The following INPP1 variants were observed in gnomAD, a reference collection of about 807,000 sequenced individuals.
INPP1 encodes inositol polyphosphate 1-phosphatase.
INPP1 carries 18 observed loss-of-function variants against 23.0 expected under a neutral mutation model. The ratio of observed to expected loss-of-function variants is 0.78; its 90% CI spans 0.54 to 1.16. The LOEUF is 1.16. INPP1 is among the 50% of genes most tolerant of loss of function. The pLI is 0.00. For synonymous variants in INPP1, 164 were observed against 176.3 expected, an observed-to-expected ratio of 0.93 and a Z score of 0.55; for missense variants, 448 against 482.1, an observed-to-expected ratio of 0.93 and a Z score of 0.66.
chr2:190,361,550 C>A (rs1392777627), intron 3 of INPP1, among the ~76,000 whole-genome samples: 1 of 152,152 alleles, frequency 6.6e-6, no homozygotes, highest in Non-Finnish European at 1.5e-5. Flanking sequence ...GGTTGAGCAA[C>A]TGGATTAAAA....
rs147784074 is a variant in INPP1, at chr2:190,354,925, G to GGGGTGTGTGT, written c.-64-5113_-64-5112insGGTGTGTGTG. On this transcript the variant is annotated intron_variant, in intron 2 of 6. Coordinates refer to ENST00000392329, the MANE Select transcript of INPP1 (RefSeq NM_001128928.2). The surrounding 1 kb of genome is among the most constrained non-coding windows in gnomAD (Gnocchi z 4.8). The stretch of plus-strand genomic sequence containing the variant: ...AACCTAGTGACAGATATCAACTAGG[G>GGGGTGTGTGT]GTGTGTGTGTGTGTGTGTGTGCATT... Among the ~76,000 whole-genome samples the GGGGTGTGTGT allele has an allele frequency of 7.1e-4, 104 of 146,622 alleles. No individual in the cohort carries two copies. The highest frequency in any genetic ancestry group is 2.6e-3 in the African/African-American group (102 of 39,418).
At position 190,370,849 on chromosome 2, in the gene INPP1, A is replaced by T; in HGVS notation, c.647A>T (p.Lys216Ile). 6.3e-7 allele frequency: 1 copy of T among 1,582,356 alleles called. No homozygotes were observed. Among genetic ancestry groups the T allele is most frequent in the Non-Finnish European group, 8.6e-7 (1 of 1,162,238 alleles). The stretch of plus-strand genomic sequence containing the variant: ...TTGAAATTTTTCTTCTACAGGTGGA[A>T]AGGACAGTGCTATTGGGGCCTTTCT... ...VSRDPNTLRW[K>I]GQCYWGLSYM... Residue 216 changes from lysine to isoleucine, a missense_variant, in exon 7 of 7, where the codon AAA (lysine) becomes ATA (isoleucine). Transcript: ENST00000392329.
intron 6 of INPP1, among the ~76,000 whole-genome samples, chr2:190,370,397 A>C (rs761600380): frequency 5.2e-5 from 8 of 152,392 alleles, no homozygotes; most frequent in Admixed American, 2.6e-4. Context: ...AGCCAACGTG[A>C]AACTAGTGAA....
intron 2 of INPP1, among the ~76,000 whole-genome samples, chr2:190,351,258 G>T (rs188495719): frequency 1.3e-5 from 2 of 152,348 alleles, no homozygotes; most frequent in East Asian, 3.9e-4. Flanking sequence ...GATGGAGGAG[G>T]AGTCAGAAAT....
rs879568883 is a variant in INPP1, at chr2:190,348,988, C to T, written c.-108C>T. 2.0e-5 allele frequency: 3 copies of T among 152,222 alleles called. No individual in the cohort carries two copies. Among genetic ancestry groups the T allele is most frequent in the African/African-American group, 4.8e-5 (2 of 41,430 alleles). The allele number at this position is 152,222 out of a possible 1,614,324, so 9.4% of individuals were successfully genotyped here. On this transcript the variant is annotated 5_prime_UTR_variant, in exon 2 of 7. Coordinates refer to ENST00000392329, the MANE Select transcript of INPP1 (RefSeq NM_001128928.2). ...GTATCCCAAGCAAGGCTCTTTCTACCGCACACCCTGCAGGCCCATCCAGGC... is the reference window on the plus strand; with the variant it reads ...GTATCCCAAGCAAGGCTCTTTCTACTGCACACCCTGCAGGCCCATCCAGGC...
intron 2 of INPP1, among the ~76,000 whole-genome samples, chr2:190,351,123 C>T (rs1416489932): frequency 6.6e-6 from 1 of 152,204 alleles, no homozygotes; most frequent in Non-Finnish European, 1.5e-5. Flanking sequence ...CAGTACGAGT[C>T]CTAAGACAGC....
chr2:190,371,277 G>C lies in INPP1; in HGVS notation c.1075G>C (p.Gly359Arg). ...PQLVYHVENEGAAGVDRWANK... is the reference protein window; with the variant it reads ...PQLVYHVENERAAGVDRWANK... ...GTTGGTGTACCACGTGGAAAATGAG[G>C]GTGCTGCTGGGGTGGATCGGTGGGC... The change falls in exon 7 of 7, where the codon GGT (glycine) becomes CGT (arginine). Residue 359 changes from glycine to arginine, a missense_variant. By Grantham distance (125) the Gly-to-Arg change is moderately radical (BLOSUM62 -2). Transcript: ENST00000392329. The surrounding 1 kb of genome is among the most constrained non-coding windows in gnomAD (Gnocchi z 5.3). 6.2e-7 allele frequency: 1 copy of C among 1,611,798 alleles called. No individual in the cohort carries two copies. Among genetic ancestry groups the C allele is most frequent in the Non-Finnish European group, 8.5e-7 (1 of 1,178,512 alleles).
intron 1 of INPP1, among the ~76,000 whole-genome samples, chr2:190,347,097 T>TGC (rs1689232695): frequency 7.0e-6 from 1 of 142,318 alleles, no homozygotes; most frequent in African/African-American, 2.6e-5. Context: ...CAGCAACCTC[T>TGC]GCCTCCCAGG....
rs753184541 is a variant in INPP1, at chr2:190,371,036, T to G, written c.834T>G (p.Arg278=). Residue 278 remains arginine (R), a synonymous_variant, in exon 7 of 7, where the codon CGT becomes CGG. Coordinates refer to ENST00000392329, the MANE Select transcript of INPP1 (RefSeq NM_001128928.2). This position sits in a 1 kb window ranked among gnomAD's most constrained non-coding sequence, Gnocchi z 5.3. ...AGACTATCAAAGCTGCATTGTCACG[T>G]GTGTGTGGAGATCGCATATTTGGGG... The part of the protein sequence containing the change: ...EKETIKAALS[R]VCGDRIFGAA... 2.5e-6 allele frequency: 4 copies of G among 1,614,056 alleles called. No individual in the cohort carries two copies. Among genetic ancestry groups the G allele is most frequent in the Non-Finnish European group, 3.4e-6 (4 of 1,180,030 alleles).
rs539039871 is a variant in INPP1, at chr2:190,363,910, G to A, written c.265+1223G>A. 5.3e-5 allele frequency among the ~76,000 whole-genome samples: 8 copies of A among 152,256 alleles called. No individual in the cohort carries two copies. The highest frequency in any genetic ancestry group is 1.0e-4 in the Non-Finnish European group (7 of 68,008). On this transcript the variant is annotated intron_variant, in intron 4 of 6. Coordinates refer to ENST00000392329, the MANE Select transcript of INPP1 (RefSeq NM_001128928.2). The surrounding 1 kb of genome is among the most constrained non-coding windows in gnomAD (Gnocchi z 4.4). The stretch of plus-strand genomic sequence containing the variant: ...TGTGGAGAGAGGAAGAGGAGAGATG[G>A]TGATGATGATATTGCAGGCAAGACC...
At chr2:190,366,461 C>G (rs1245982695) in intron 4 of INPP1, among the ~76,000 whole-genome samples, 1 of 148,484 alleles carries the variant, frequency 6.7e-6, no homozygotes, top group Non-Finnish European at 1.5e-5. Flanking sequence ...CTGTCTTGCT[C>G]TCTCTGTCTC....
In INPP1 at chr2:190,355,036, A is replaced by C. The variant is rs1378896062; in HGVS notation, c.-64-5003A>C. Among the ~76,000 whole-genome samples, 2 of 150,296 alleles carry C rather than the reference A, an allele frequency of 1.3e-5. No homozygotes were observed. Among genetic ancestry groups the C allele is most frequent in the African/African-American group, 4.9e-5 (2 of 40,738 alleles). ...ACAATTACTGATTTTCCCTTATTTT[A>C]ATAGTTAACAATTGATGAAAAGATT... On this transcript the variant is annotated intron_variant, in intron 2 of 6. Coordinates refer to ENST00000392329, the MANE Select transcript of INPP1 (RefSeq NM_001128928.2). The surrounding 1 kb of genome is among the most constrained non-coding windows in gnomAD (Gnocchi z 5.1).
chr2:190,347,017 T>G (rs1378137632), intron 1 of INPP1, among the ~76,000 whole-genome samples: 1 of 147,330 alleles, frequency 6.8e-6, no homozygotes, highest in South Asian at 2.2e-4. Flanking sequence ...CTTTTTTTTT[T>G]TTTTTTTTTT....
chr2:190,358,133 G>A (rs143078779), intron 2 of INPP1, among the ~76,000 whole-genome samples: 2,947 of 145,824 alleles, frequency 0.02, 101 homozygotes, highest in African/African-American at 0.069. Context: ...AGGCTGGAGT[G>A]CAGTGGCGTA....
At chr2:190,370,097 A>T (rs186002605) in intron 6 of INPP1, among the ~76,000 whole-genome samples, 1 of 152,370 alleles carries the variant, frequency 6.6e-6, no homozygotes, top group East Asian at 1.9e-4. Flanking sequence ...ATAAGAAATT[A>T]AAAAGAATTG....
intron 4 of INPP1, among the ~76,000 whole-genome samples, chr2:190,364,899 C>T (rs1410745161): frequency 1.3e-5 from 2 of 152,082 alleles, no homozygotes; most frequent in Non-Finnish European, 2.9e-5. Flanking sequence ...CCACCACGCT[C>T]AGCCTAAGGT....
chr2:190,365,501 A>T (rs1689627231), intron 4 of INPP1, among the ~76,000 whole-genome samples: 1 of 152,262 alleles, frequency 6.6e-6, no homozygotes, highest in Admixed American at 6.5e-5. Context: ...AATTTTAAAA[A>T]GATTAATGAT....
chr2:190,350,398 C>T (rs1024802544), intron 2 of INPP1, among the ~76,000 whole-genome samples: 1 of 151,484 alleles, frequency 6.6e-6, no homozygotes, highest in African/African-American at 2.4e-5. Context: ...CCTGTTGTTT[C>T]CTTAAATTGT....
At chr2:190,366,643 T>G in intron 4 of INPP1, 52 bp from the exon 5 acceptor site, 1 of 1,263,114 alleles carries the variant, frequency 7.9e-7, no homozygotes, top group South Asian at 1.2e-5. Flanking sequence ...CTCTGTTCTT[T>G]CTCCACTGAA....
Sources: gnomAD v4.1 joint callset for allele counts (sites outside exome capture counted in the v4.1 genomes callset) on GRCh38, gnomAD v4.1.1 for gene constraint, Gnocchi (gnomAD v3.1) non-coding constraint, MANE v1.5 for transcripts, NCBI Gene and HGNC (gene_info 2026-07-23, HGNC 2026-07-21) for gene names.